NR1D2: variants seen among roughly 807,000 people sequenced by gnomAD.
NR1D2 encodes the protein nuclear receptor subfamily 1 group D member 2.
A neutral mutation model predicts 52.2 loss-of-function variants in NR1D2; 25 were observed. That is an observed-to-expected ratio of 0.48 (90% CI 0.35 to 0.67). The LOEUF is 0.67. NR1D2 is among the 30% of genes least tolerant of loss of function. The pLI is 0.01. For missense variants in NR1D2, 681 were observed against 707.2 expected, an observed-to-expected ratio of 0.96 and a Z score of 0.42; for synonymous variants, 259 against 230.1, an observed-to-expected ratio of 1.13 and a Z score of -1.14.
chr3:23,965,039 A>G lies in NR1D2; in HGVS notation c.1209A>G (p.Glu403=), dbSNP rs1372302838. 1 of 1,613,994 alleles carries G rather than the reference A, an allele frequency of 6.2e-7. No homozygotes were observed. The highest frequency in any genetic ancestry group is 1.1e-5 in the South Asian group (1 of 91,084). Residue 403 remains glutamate (E), a synonymous_variant, in exon 6 of 8, where the codon GAA becomes GAG. Transcript: ENST00000312521. ...DPHKSGHEIW[E]EFSMSFTPAV... ...ATAAATCAGGACATGAAATCTGGGA[A>G]GAATTTTCGATGAGCTTCACTCCAG...
At position 23,950,174 on chromosome 3, in the gene NR1D2, A is replaced by T. The variant is rs575275560; in HGVS notation, c.17-4363A>T. ...TATGAAAAAAGCACTTATGAATGCC[A>T]TTTCATTTCAGTCTTGTAATAAGTG... On this transcript the variant is annotated intron_variant, in intron 1 of 7. Transcript: ENST00000312521. Among the ~76,000 whole-genome samples, 31 of 152,336 alleles carry T rather than the reference A, an allele frequency of 2.0e-4. No individual in the cohort carries two copies. The South Asian group carries it at 6.0e-3, about 29-fold the overall frequency.
chr3:23,959,586 A>G (rs2125289109), intron 3 of NR1D2, 85 bp from the exon 4 acceptor site: 1 of 1,308,648 alleles, frequency 7.6e-7, no homozygotes, highest in East Asian at 2.3e-5. Context: ...TTCGTCATAT[A>G]CACTAGATAG....
intron 7 of NR1D2, among the ~76,000 whole-genome samples, chr3:23,974,427 T>A (rs887807633): frequency 3.3e-5 from 5 of 152,164 alleles, no homozygotes; most frequent in African/African-American, 1.2e-4. Flanking sequence ...CATTATAATA[T>A]TATGGGACCA....
At chr3:23,946,389 AAGGCGTGGGGCTTTC>A in intron 1 of NR1D2, 1 of 760,014 alleles carries the variant, frequency 1.3e-6, no homozygotes, top group Non-Finnish European at 1.6e-6. Flanking sequence ...CGCCTCGGGG[AAGGCGTGGGGCTTTC>A]CCGAAGGGAT....
chr3:23,971,474 G>A (rs1706589147), intron 7 of NR1D2, among the ~76,000 whole-genome samples: 1 of 151,352 alleles, frequency 6.6e-6, no homozygotes, highest in South Asian at 2.1e-4. Flanking sequence ...TCGTCGTGTT[G>A]GCCGGGCTGG....
chr3:23,945,790 CAAAG>C (rs1705661013), intron 1 of NR1D2, among the ~76,000 whole-genome samples, 196 bp downstream of exon 1: 2 of 150,488 alleles, frequency 1.3e-5, no homozygotes, highest in African/African-American at 4.9e-5. Context: ...TGTCTCCCTG[CAAAG>C]CCGCAGCGCG....
At chr3:23,950,902 C>CTTTT (rs1181448290) in intron 1 of NR1D2, among the ~76,000 whole-genome samples, 15 of 123,072 alleles carry the variant, frequency 1.2e-4, no homozygotes, top group African/African-American at 1.6e-4. Flanking sequence ...CTTTCTTTTT[C>CTTTT]TTTTTTTTTT....
At chr3:23,963,881 T>TA (rs769555851) in intron 5 of NR1D2, among the ~76,000 whole-genome samples, 1 of 151,874 alleles carries the variant, frequency 6.6e-6, no homozygotes, top group Non-Finnish European at 1.5e-5. Flanking sequence ...CTGATTTTAC[T>TA]AATAGAATAT....
chr3:23,950,886 T>C (rs913002771), intron 1 of NR1D2, among the ~76,000 whole-genome samples: 1 of 134,504 alleles, frequency 7.4e-6, no homozygotes, highest in African/African-American at 3.3e-5. Flanking sequence ...ATTTCTTTTC[T>C]TTTCTCTTTC....
chr3:23,962,574 A>T lies in NR1D2; in HGVS notation c.1115A>T (p.Tyr372Phe), dbSNP rs1202265085. The T allele has an allele frequency of 1.2e-6, 2 of 1,610,722 alleles. No individual in the cohort carries two copies. Among genetic ancestry groups the T allele is most frequent in the Non-Finnish European group, 1.7e-6 (2 of 1,177,496 alleles). Residue 372 changes from tyrosine to phenylalanine, a missense_variant, in exon 5 of 8, where the codon TAC becomes TTC. Tyr to Phe is a conservative substitution (Grantham distance 22). Coordinates refer to ENST00000312521, the MANE Select transcript of NR1D2 (RefSeq NM_005126.5). Reference sequence around the variant, plus strand: ...TCTCAGAATGAGAACAAGAATAGTTACCTGTGCAACACTGGAGGAAGAATG... The same window carrying T: ...TCTCAGAATGAGAACAAGAATAGTTTCCTGTGCAACACTGGAGGAAGAATG... Reference protein sequence around the residue: ...GFSQNENKNSYLCNTGGRMHL... With the variant: ...GFSQNENKNSFLCNTGGRMHL...
At chr3:23,971,271 A>G (rs894126728) in intron 7 of NR1D2, among the ~76,000 whole-genome samples, 9 of 148,024 alleles carry the variant, frequency 6.1e-5, no homozygotes, top group African/African-American at 2.0e-4. Flanking sequence ...TGACCACCCA[A>G]CTCTGAATAT....
At chr3:23,963,113 A>G (rs1321895436) in intron 5 of NR1D2, 1 of 348,586 alleles carries the variant, frequency 2.9e-6, no homozygotes, top group African/African-American at 2.2e-5. Context: ...TTAATTTCAT[A>G]GGCTAATTTC....
chr3:23,967,952 A>G lies in NR1D2; in HGVS notation c.1472A>G (p.Glu491Gly), dbSNP rs749487940. 11 of 1,613,988 alleles carry G rather than the reference A, an allele frequency of 6.8e-6. No homozygotes were observed. Among genetic ancestry groups the G allele is most frequent in the Admixed American group, 5.0e-5 (3 of 60,000 alleles). ...CTAAACTCTATGTTTGAATTTAGTG[A>G]GAAGCTAAATGCCCTCCAACTTAGT... ...DLLNSMFEFS[E>G]KLNALQLSDE... The change falls in exon 7 of 8, where the codon GAG becomes GGG. Residue 491 changes from glutamate to glycine, a missense_variant. Coordinates refer to ENST00000312521, the MANE Select transcript of NR1D2 (RefSeq NM_005126.5).
At chr3:23,968,119 G>A in intron 7 of NR1D2, 96 bp downstream of exon 7, 3 of 919,816 alleles carry the variant, frequency 3.3e-6, no homozygotes, top group South Asian at 2.8e-5. Flanking sequence ...GTTATATAGA[G>A]GGAATAAGGC....
chr3:23,959,777 G>C lies in NR1D2; in HGVS notation c.479G>C (p.Arg160Pro). 1 of 1,613,434 alleles carries C rather than the reference G, an allele frequency of 6.2e-7. No individual in the cohort carries two copies. Among genetic ancestry groups the C allele is most frequent in the Non-Finnish European group, 8.5e-7 (1 of 1,179,784 alleles). Residue 160 changes from arginine (R) to proline (P), a missense_variant, in exon 4 of 8, where the codon CGC (arginine) becomes CCC (proline). Coordinates refer to ENST00000312521, the MANE Select transcript of NR1D2 (RefSeq NM_005126.5). The part of the protein sequence containing the change: ...RMNRNRCQQC[R>P]FKKCLSVGMS... The stretch of plus-strand genomic sequence containing the variant: ...AATAGGAACAGATGTCAGCAATGTC[G>C]CTTCAAAAAGTGTCTGTCTGTTGGA...
Position 23,962,545 on chromosome 3 carries a change from ATTTT to A in NR1D2, c.1087_1090del (p.Phe363LeufsTer23). On this transcript the variant is annotated frameshift_variant, in exon 5 of 8. Coordinates refer to ENST00000312521, the MANE Select transcript of NR1D2 (RefSeq NM_005126.5). LOFTEE classifies it high-confidence loss of function. ...TATGTGATAGAGTTCCGATAGATGG[ATTTT>A]CTCAGAATGAGAACAAGAATAGTTA... 6.2e-7 allele frequency: 1 copy of A among 1,613,602 alleles called. No homozygotes were observed.
In NR1D2 at chr3:23,965,303, G is replaced by C. The variant is rs149294224; in HGVS notation, c.1332+141G>C. On this transcript the variant is annotated intron_variant, in intron 6 of 7. Transcript: ENST00000312521. ...CACCCAGGCTGGAGTGCAGCAGCGCGATCATAGCTCACTGCAACCTCTGCT... is the reference window on the plus strand; with the variant it reads ...CACCCAGGCTGGAGTGCAGCAGCGCCATCATAGCTCACTGCAACCTCTGCT... 1.9e-4 allele frequency: 119 copies of C among 612,804 alleles called. No individual in the cohort carries two copies. The African/African-American group carries it at 2.3e-3, about 12-fold the overall frequency. The allele number at this position is 612,804 out of a possible 1,614,324, so 38.0% of individuals were successfully genotyped here.
chr3:23,969,212 G>A (rs1706526005), intron 7 of NR1D2, among the ~76,000 whole-genome samples: 1 of 150,562 alleles, frequency 6.6e-6, no homozygotes, highest in Admixed American at 6.6e-5. Flanking sequence ...CTTGAACCTG[G>A]GAGGCAGAGG....
intron 6 of NR1D2, among the ~76,000 whole-genome samples, chr3:23,967,611 C>T (rs534945664): frequency 6.6e-6 from 1 of 152,130 alleles, no homozygotes; most frequent in Non-Finnish European, 1.5e-5. Context: ...AACGAAACTC[C>T]ATGTCAAAAA....
Sources: gnomAD v4.1 joint callset for allele counts (sites outside exome capture counted in the v4.1 genomes callset) on GRCh38, gnomAD v4.1.1 for gene constraint, MANE v1.5 for transcripts, NCBI Gene and HGNC (gene_info 2026-07-23, HGNC 2026-07-21) for gene names.